Variants in TANC1 observed in about 807,000 individuals in gnomAD.
TANC1 encodes protein TANC1.
TANC1 carries 77 observed loss-of-function variants against 149.7 expected under a neutral mutation model. The ratio of observed to expected loss-of-function variants is 0.51; its 90% CI spans 0.43 to 0.62. The LOEUF is 0.62. Ranked by LOEUF, TANC1 falls within the 20% of genes least tolerant of loss-of-function variation. The probability of loss-of-function intolerance (pLI) is 0.00; values close to 1 mark genes in which losing one functional copy is unlikely to be tolerated. For missense variants in TANC1, 1,985 were observed against 2,321.8 expected, an observed-to-expected ratio of 0.85 and a Z score of 2.98; for synonymous variants, 854 against 925.0, an observed-to-expected ratio of 0.92 and a Z score of 1.39.
chr2:159,113,824 C>T (rs2150041539), intron 4 of TANC1, among the ~76,000 whole-genome samples: 1 of 152,244 alleles, frequency 6.6e-6, no homozygotes, highest in South Asian at 2.1e-4. Flanking sequence ...TAGTGAGACT[C>T]CAGTCTCTTA....
At chr2:159,186,796 A>C (rs375664917) in intron 15 of TANC1, 106 bp from the exon 16 acceptor site, 1 of 1,449,720 alleles carries the variant, frequency 6.9e-7, no homozygotes, top group East Asian at 2.3e-5. Context: ...AGGTATCTGC[A>C]CCCTCTGCGG....
At chr2:159,203,209 C>CTTTTTTTTTTTTTTTTTTT (rs56319016) in intron 19 of TANC1, among the ~76,000 whole-genome samples, 1 of 101,666 alleles carries the variant, frequency 9.8e-6, no homozygotes. Flanking sequence ...CTTTTCTTTT[C>CTTTTTTTTTTTTTTTTTTT]TTTTTTTTTT....
chr2:158,971,055 T>A (rs1232713518), intron 1 of TANC1, among the ~76,000 whole-genome samples: 2 of 152,222 alleles, frequency 1.3e-5, no homozygotes, highest in Non-Finnish European at 2.9e-5. Flanking sequence ...GAACATTTTG[T>A]CTCTTTAACC....
At chr2:159,225,363 AG>A (rs2059959290) in intron 23 of TANC1, 1 of 408,114 alleles carries the variant, frequency 2.5e-6, no homozygotes, top group Admixed American at 3.8e-5. Flanking sequence ...TGGCCGCTGC[AG>A]GAACTGAGGA....
At chr2:158,988,513 T>C (rs1288509200) in intron 1 of TANC1, among the ~76,000 whole-genome samples, 1 of 152,098 alleles carries the variant, frequency 6.6e-6, no homozygotes, top group Non-Finnish European at 1.5e-5. Context: ...CATCTTCCTT[T>C]ATTTTCCCCT....
intron 19 of TANC1, among the ~76,000 whole-genome samples, chr2:159,202,000 A>G (rs1010119389): frequency 6.6e-6 from 1 of 152,244 alleles, no homozygotes; most frequent in Non-Finnish European, 1.5e-5. Flanking sequence ...AAATTCACGC[A>G]CAAATTCTTC....
At chr2:159,082,479 G>C (rs1483177580) in intron 3 of TANC1, among the ~76,000 whole-genome samples, 2 of 151,946 alleles carry the variant, frequency 1.3e-5, no homozygotes, top group Non-Finnish European at 2.9e-5. Flanking sequence ...ATTTTGGCTT[G>C]CTTTTCTGCT....
intron 11 of TANC1, among the ~76,000 whole-genome samples, chr2:159,172,775 G>A (rs909628872): frequency 2.0e-5 from 3 of 152,192 alleles, no homozygotes; most frequent in African/African-American, 7.2e-5. Context: ...CTTCTGCTTA[G>A]CACCCATCAC....
chr2:159,007,357 G>T (rs964677194), intron 2 of TANC1, among the ~76,000 whole-genome samples: 3 of 152,066 alleles, frequency 2.0e-5, no homozygotes, highest in African/African-American at 7.2e-5. Context: ...TGTTGGTCAG[G>T]CTGGTCTTGA....
chr2:159,158,253 A>G (rs2053638279), intron 7 of TANC1, among the ~76,000 whole-genome samples: 1 of 152,078 alleles, frequency 6.6e-6, no homozygotes, highest in African/African-American at 2.4e-5. Flanking sequence ...CCAGCTACTC[A>G]GGAGGCTGAG....
intron 4 of TANC1, among the ~76,000 whole-genome samples, chr2:159,118,006 G>C (rs2048467809): frequency 6.6e-6 from 1 of 151,232 alleles, no homozygotes; most frequent in Non-Finnish European, 1.5e-5. Context: ...TTTCTCTACT[G>C]GTGTTTTTCT....
rs369486829 is a variant in TANC1 at position 159,118,504 on chromosome 2, A to C, written c.260-17690A>C. On this transcript the variant is annotated intron_variant, in intron 4 of 26. Transcript: ENST00000263635. The stretch of plus-strand genomic sequence containing the variant: ...AGGAGTATGCAAGCCTTTCTGCCCC[A>C]CTTTGTTGCCTTGTTAACTAAGGGA... Among the ~76,000 whole-genome samples, 108 of 152,184 alleles carry C rather than the reference A, an allele frequency of 7.1e-4. No homozygotes were observed. The South Asian group carries it at 0.022, about 31-fold the overall frequency.
At chr2:159,000,163 A>G (rs910846764) in intron 1 of TANC1, among the ~76,000 whole-genome samples, 2 of 152,062 alleles carry the variant, frequency 1.3e-5, no homozygotes, top group Admixed American at 6.6e-5. Flanking sequence ...CCAAGGATGA[A>G]AGGTGAACCG....
intron 25 of TANC1, chr2:159,228,387 C>T (rs189559923): frequency 1.9e-4 from 49 of 253,304 alleles, no homozygotes; most frequent in African/African-American, 9.8e-4. Context: ...AACTCATAGT[C>T]GATTTGTAAC....
chr2:159,006,519 A>T (rs1436673369), intron 2 of TANC1, among the ~76,000 whole-genome samples: 1 of 152,188 alleles, frequency 6.6e-6, no homozygotes, highest in African/African-American at 2.4e-5. Flanking sequence ...TCATACCTGC[A>T]ACATTTGTAA....
intron 12 of TANC1, among the ~76,000 whole-genome samples, chr2:159,176,041 A>G (rs1048233828): frequency 6.6e-6 from 1 of 152,094 alleles, no homozygotes; most frequent in Non-Finnish European, 1.5e-5. Flanking sequence ...GTATGTGTTC[A>G]TTATCTTTGT....
intron 5 of TANC1, among the ~76,000 whole-genome samples, chr2:159,144,850 C>G (rs1188386297): frequency 6.6e-6 from 1 of 152,074 alleles, no homozygotes; most frequent in African/African-American, 2.4e-5. Context: ...TAGATAGAGG[C>G]AGAGGATTAA....
At chr2:159,009,433 A>G (rs2037542055) in intron 2 of TANC1, among the ~76,000 whole-genome samples, 4 of 152,232 alleles carry the variant, frequency 2.6e-5, no homozygotes, top group Admixed American at 6.5e-5. Context: ...AAGACATTCT[A>G]TCATTTGAGG....
At chr2:159,217,750 T>G in intron 20 of TANC1, 120 bp downstream of exon 20, 6 of 1,322,448 alleles carry the variant, frequency 4.5e-6, no homozygotes, top group Non-Finnish European at 6.3e-6. Flanking sequence ...CATCCTCGGC[T>G]TCTGCTGTGC....
Sources: gnomAD v4.1 joint callset for allele counts (sites outside exome capture counted in the v4.1 genomes callset) on GRCh38, gnomAD v4.1.1 for gene constraint, MANE v1.5 for transcripts, NCBI Gene and HGNC (gene_info 2026-07-23, HGNC 2026-07-21) for gene names.